Variants in FOXP1 observed in about 807,000 individuals in gnomAD.
The protein encoded by FOXP1 is forkhead box P1, also known as forkhead box protein P1.
Under a neutral mutation model 98.2 loss-of-function variants are expected in FOXP1, and 15 were observed. The observed-to-expected ratio is 0.15, with a 90% CI of 0.10 to 0.24. The LOEUF (loss-of-function observed/expected upper bound fraction) is 0.24, where lower values mean the gene tolerates loss of function less well. Ranked by LOEUF, FOXP1 falls within the 10% of genes least tolerant of loss-of-function variation. FOXP1 has a pLI of 1.00. For synonymous variants in FOXP1, 371 were observed against 314.5 expected, an observed-to-expected ratio of 1.18 and a Z score of -1.90; for missense variants, 633 against 848.5, an observed-to-expected ratio of 0.75 and a Z score of 3.15.
At chr3:71,349,611 A>C (rs1221125571) in intron 4 of FOXP1, among the ~76,000 whole-genome samples, 1 of 150,840 alleles carries the variant, frequency 6.6e-6, no homozygotes, top group Non-Finnish European at 1.5e-5. Flanking sequence ...TAATATCTTT[A>C]ATTTTTAAGG....
At chr3:71,268,958 G>C (rs926494883) in intron 5 of FOXP1, among the ~76,000 whole-genome samples, 2 of 152,064 alleles carry the variant, frequency 1.3e-5, no homozygotes, top group Non-Finnish European at 2.9e-5. Flanking sequence ...ATGTAGCCTC[G>C]TGGTTCATCT....
At chr3:70,967,421 C>T (rs2035043112) in intron 19 of FOXP1, among the ~76,000 whole-genome samples, 1 of 152,142 alleles carries the variant, frequency 6.6e-6, no homozygotes. Flanking sequence ...TATGTAAGCC[C>T]ACAGCTTTTC....
intron 6 of FOXP1, among the ~76,000 whole-genome samples, chr3:71,129,187 C>T (rs187537386): frequency 1.3e-5 from 2 of 152,318 alleles, no homozygotes; most frequent in East Asian, 3.9e-4. Flanking sequence ...CCTACACTAA[C>T]ATCTGAGTAA....
chr3:71,423,577 T>C (rs946173424), intron 3 of FOXP1, among the ~76,000 whole-genome samples: 6 of 152,236 alleles, frequency 3.9e-5, no homozygotes, highest in African/African-American at 1.4e-4. Context: ...CAGACATGGT[T>C]CTACCAGGGG....
At chr3:71,376,738 G>A (rs922404171) in intron 3 of FOXP1, among the ~76,000 whole-genome samples, 2 of 152,046 alleles carry the variant, frequency 1.3e-5, no homozygotes, top group Non-Finnish European at 2.9e-5. Context: ...TTAACCCCTC[G>A]ATGGCATCAC....
At chr3:71,408,888 C>T (rs997564190) in intron 3 of FOXP1, among the ~76,000 whole-genome samples, 1 of 152,130 alleles carries the variant, frequency 6.6e-6, no homozygotes, top group African/African-American at 2.4e-5. Flanking sequence ...AATCGATGAA[C>T]AAATCATTTG....
chr3:71,476,448 T>C (rs1404594032), intron 3 of FOXP1, among the ~76,000 whole-genome samples: 2 of 152,036 alleles, frequency 1.3e-5, no homozygotes, highest in Non-Finnish European at 2.9e-5. Flanking sequence ...GATGGAGAGG[T>C]GGTGTGCAGT....
At chr3:71,417,961 ACT>A (rs1379063124) in intron 3 of FOXP1, among the ~76,000 whole-genome samples, 2 of 149,808 alleles carry the variant, frequency 1.3e-5, no homozygotes, top group Non-Finnish European at 3.0e-5. Flanking sequence ...GGTCTGTTGC[ACT>A]GTTATCCTAG....
At chr3:71,395,384 C>T (rs1380806608) in intron 3 of FOXP1, among the ~76,000 whole-genome samples, 3 of 149,492 alleles carry the variant, frequency 2.0e-5, no homozygotes, top group Non-Finnish European at 4.4e-5. Flanking sequence ...TCCTCAGACC[C>T]ACCCAGTTCA....
At chr3:71,043,596 TAA>T (rs945412783) in intron 10 of FOXP1, among the ~76,000 whole-genome samples, 3 of 152,160 alleles carry the variant, frequency 2.0e-5, no homozygotes, top group African/African-American at 7.2e-5. Context: ...CATACTGATA[TAA>T]AACCACACAA....
chr3:71,118,682 T>C (rs1478279613), intron 6 of FOXP1, among the ~76,000 whole-genome samples: 1 of 152,220 alleles, frequency 6.6e-6, no homozygotes, highest in African/African-American at 2.4e-5. Context: ...ATCACCTGTG[T>C]TGTATCATCT....
At chr3:71,087,318 C>T (rs187123780) in intron 7 of FOXP1, among the ~76,000 whole-genome samples, 112 of 152,264 alleles carry the variant, frequency 7.4e-4, no homozygotes, top group African/African-American at 2.6e-3. Flanking sequence ...TCTGGAGGTG[C>T]ACTTAGCAAA....
chr3:71,554,573 C>T (rs2045992475), intron 2 of FOXP1, among the ~76,000 whole-genome samples: 2 of 152,156 alleles, frequency 1.3e-5, no homozygotes, highest in Admixed American at 1.3e-4. Flanking sequence ...ATTACCTTAA[C>T]TGAGTTTCTA....
In FOXP1 at chr3:71,260,867, A is replaced by G. The variant is rs568792148; in HGVS notation, c.-12+38953T>C. Among the ~76,000 whole-genome samples the G allele has an allele frequency of 3.3e-5, 5 of 152,264 alleles. No homozygotes were observed. In the East Asian group the frequency reaches 9.7e-4, roughly 29 times the overall value. The stretch of plus-strand genomic sequence containing the variant: ...TACAGTTCTAGTTATTAAAGAACAG[A>G]GGTCTCCGAGACCAAAAGTTAGGGG... On this transcript the variant is annotated intron_variant, in intron 5 of 20. Coordinates refer to ENST00000649528, the MANE Select transcript of FOXP1 (RefSeq NM_001349338.3).
chr3:71,333,687 T>A (rs2076489637), intron 4 of FOXP1: 1 of 151,862 alleles, frequency 6.6e-6, no homozygotes, highest in Non-Finnish European at 1.5e-5. Context: ...TAGCTGGGTG[T>A]GGTGGTGCGT....
intron 7 of FOXP1, among the ~76,000 whole-genome samples, chr3:71,071,802 G>A (rs1480724806): frequency 1.3e-5 from 2 of 152,002 alleles, no homozygotes; most frequent in East Asian, 1.9e-4. Context: ...TCAAACTCCC[G>A]ACACCTCAGG....
At chr3:71,110,995 A>G (rs1272018039) in intron 7 of FOXP1, among the ~76,000 whole-genome samples, 1 of 152,218 alleles carries the variant, frequency 6.6e-6, no homozygotes, top group Middle Eastern at 3.2e-3. Context: ...CTTTTCCAAT[A>G]AAGCGTCACT....
intron 3 of FOXP1, among the ~76,000 whole-genome samples, chr3:71,474,709 A>G (rs1425143561): frequency 6.6e-6 from 1 of 151,034 alleles, no homozygotes; most frequent in East Asian, 1.9e-4. Context: ...TCTCCCATCA[A>G]CCCCAGATGG....
intron 3 of FOXP1, among the ~76,000 whole-genome samples, chr3:71,386,063 A>T (rs1392141533): frequency 6.6e-6 from 1 of 152,118 alleles, no homozygotes; most frequent in East Asian, 1.9e-4. Flanking sequence ...TCTCCCAATC[A>T]TCTGTCTTTC....
Sources: gnomAD v4.1 joint callset for allele counts (sites outside exome capture counted in the v4.1 genomes callset) on GRCh38, gnomAD v4.1.1 for gene constraint, MANE v1.5 for transcripts, NCBI Gene and HGNC (gene_info 2026-07-23, HGNC 2026-07-21) for gene names.